OSBPL3: variants seen among roughly 807,000 people sequenced by gnomAD.
OSBPL3 encodes the protein oxysterol binding protein like 3, also known as oxysterol-binding protein-related protein 3.
OSBPL3 carries 65 observed loss-of-function variants against 120.1 expected under a neutral mutation model. The observed-to-expected ratio is 0.54, with a 90% CI of 0.44 to 0.67. The LOEUF is 0.67. Ranked by LOEUF, OSBPL3 falls within the 30% of genes least tolerant of loss-of-function variation. The pLI is 0.00. For missense variants in OSBPL3, 1,004 were observed against 1,082.1 expected, an observed-to-expected ratio of 0.93 and a Z score of 1.01; for synonymous variants, 416 against 402.6, an observed-to-expected ratio of 1.03 and a Z score of -0.40.
intron 1 of OSBPL3, among the ~76,000 whole-genome samples, chr7:24,960,992 G>C (rs537427028): frequency 1.3e-5 from 2 of 152,278 alleles, no homozygotes; most frequent in East Asian, 3.9e-4. Context: ...AAACCAGCAA[G>C]GGATATGAAT....
chr7:24,964,337 G>A lies in OSBPL3; in HGVS notation c.-150+15549C>T, dbSNP rs1253549808. On this transcript the variant is annotated intron_variant, in intron 1 of 22. Coordinates refer to ENST00000313367, the MANE Select transcript of OSBPL3 (RefSeq NM_015550.4). This position sits in a 1 kb window ranked among gnomAD's most constrained non-coding sequence, Gnocchi z 4.2. ...CTGACAAACACTACCTCAACCAGATGAGCAAGGTCAACATAACCAAAACTA... is the reference window on the plus strand; with the variant it reads ...CTGACAAACACTACCTCAACCAGATAAGCAAGGTCAACATAACCAAAACTA... Among the ~76,000 whole-genome samples the A allele has an allele frequency of 1.3e-5, 2 of 152,158 alleles. No homozygotes were observed. The highest frequency in any genetic ancestry group is 2.9e-5 in the Non-Finnish European group (2 of 68,032).
In OSBPL3 at chr7:24,823,737, G is replaced by A. The variant is rs573141253; in HGVS notation, c.1885-3499C>T. 5.9e-4 allele frequency among the ~76,000 whole-genome samples: 90 copies of A among 152,192 alleles called. 1 individual carries two copies. The South Asian group carries it at 0.016, about 26-fold the overall frequency. On this transcript the variant is annotated intron_variant, in intron 16 of 22. Transcript: ENST00000313367. Reference sequence around the variant, plus strand: ...AACATCTGCTGTTAATGTCTTCTTCGAATCTTAGCATCAAAGGTGGTGGCG... The same window carrying A: ...AACATCTGCTGTTAATGTCTTCTTCAAATCTTAGCATCAAAGGTGGTGGCG...
Position 24,821,845 on chromosome 7 carries a change from T to C in OSBPL3, c.1885-1607A>G, listed in dbSNP as rs1313898295. 6.6e-6 allele frequency among the ~76,000 whole-genome samples: 1 copy of C among 152,224 alleles called. No individual in the cohort carries two copies. Among genetic ancestry groups the C allele is most frequent in the Non-Finnish European group, 1.5e-5 (1 of 68,036 alleles). On this transcript the variant is annotated intron_variant, in intron 16 of 22. Transcript: ENST00000313367. The surrounding 1 kb of genome is among the most constrained non-coding windows in gnomAD (Gnocchi z 5.5). ...GCACTGACTTAGAAACCTAATCCCA[T>C]AATGTAACTCTCTGATTTCCTTTGA...
At position 24,940,858 on chromosome 7, in the gene OSBPL3, C is replaced by G. The variant is rs1199017602; in HGVS notation, c.-150+39028G>C. On this transcript the variant is annotated intron_variant, in intron 1 of 22. Transcript: ENST00000313367. The surrounding 1 kb of genome is among the most constrained non-coding windows in gnomAD (Gnocchi z 4.4). The stretch of plus-strand genomic sequence containing the variant: ...TGTGTGTGACGGAGTCTCGCTCTGT[C>G]GCCCAGGCTGGAGTGCACTGGCGCG... Among the ~76,000 whole-genome samples the G allele has an allele frequency of 6.7e-6, 1 of 148,708 alleles. No homozygotes were observed. Among genetic ancestry groups the G allele is most frequent in the Non-Finnish European group, 1.5e-5 (1 of 67,642 alleles).
At chr7:24,887,292 G>C (rs570988844) in intron 2 of OSBPL3, among the ~76,000 whole-genome samples, 2 of 152,280 alleles carry the variant, frequency 1.3e-5, no homozygotes, top group African/African-American at 4.8e-5. Flanking sequence ...GGTCCCTTTA[G>C]TTCCTACAAG....
chr7:24,908,858 C>T (rs1808347362), intron 1 of OSBPL3, among the ~76,000 whole-genome samples: 1 of 152,238 alleles, frequency 6.6e-6, no homozygotes, highest in Non-Finnish European at 1.5e-5. Flanking sequence ...CAGTTCAACT[C>T]TCTTAAACAA....
intron 19 of OSBPL3, among the ~76,000 whole-genome samples, chr7:24,814,024 G>A (rs1346102838): frequency 6.6e-6 from 1 of 152,140 alleles, no homozygotes; most frequent in Non-Finnish European, 1.5e-5. Flanking sequence ...AGTCAAGGAT[G>A]ATGAGGAGGG....
rs1320805522 is a variant in OSBPL3, at chr7:24,972,808, C to T, written c.-150+7078G>A. Among the ~76,000 whole-genome samples, 2 of 152,096 alleles carry T rather than the reference C, an allele frequency of 1.3e-5. No homozygotes were observed. Among genetic ancestry groups the T allele is most frequent in the Admixed American group, 1.3e-4 (2 of 15,272 alleles). On this transcript the variant is annotated intron_variant, in intron 1 of 22. Transcript: ENST00000313367. This position sits in a 1 kb window ranked among gnomAD's most constrained non-coding sequence, Gnocchi z 4.3. ...TCTAAACATTTCAGATGACTGTCCA[C>T]CACAAATTACTTGGGGAGGGAGAAA... is the stretch of plus-strand genomic sequence containing the variant.
intron 1 of OSBPL3, among the ~76,000 whole-genome samples, chr7:24,907,566 T>G (rs1584580338): frequency 6.6e-6 from 1 of 152,362 alleles, no homozygotes; most frequent in East Asian, 1.9e-4. Context: ...ACATACCCTG[T>G]ATTCTGCACT....
intron 1 of OSBPL3, among the ~76,000 whole-genome samples, chr7:24,945,629 G>A (rs542258580): frequency 8.6e-5 from 13 of 151,544 alleles, no homozygotes; most frequent in Non-Finnish European, 1.6e-4. Context: ...ATGATTACTG[G>A]CAGCAAGGGG....
At chr7:24,979,248 T>A (rs1192321401) in intron 1 of OSBPL3, among the ~76,000 whole-genome samples, 1 of 150,108 alleles carries the variant, frequency 6.7e-6, no homozygotes, top group African/African-American at 2.5e-5. Context: ...AGAGTTAGGG[T>A]GAGCCTGAAG....
In OSBPL3 at chr7:24,854,787, C is replaced by T. The variant is rs766722184; in HGVS notation, c.1028-2153G>A. On this transcript the variant is annotated intron_variant, in intron 10 of 22. Transcript: ENST00000313367. This position sits in a 1 kb window ranked among gnomAD's most constrained non-coding sequence, Gnocchi z 4.1. ...AATGATGTGCCTGAACCCTGGTTTC[C>T]ACATTTGTAAATGGGGATAATAATA... 6.6e-6 allele frequency among the ~76,000 whole-genome samples: 1 copy of T among 152,142 alleles called. No homozygotes were observed. The highest frequency in any genetic ancestry group is 2.4e-5 in the African/African-American group (1 of 41,420).
chr7:24,810,369 CA>C (rs1793636029), intron 19 of OSBPL3: 1 of 155,230 alleles, frequency 6.4e-6, no homozygotes, highest in African/African-American at 2.4e-5. Flanking sequence ...ACTAAAAATA[CA>C]AAATTAGCCG....
chr7:24,878,807 T>G (rs1336072105), intron 2 of OSBPL3, among the ~76,000 whole-genome samples: 1 of 152,210 alleles, frequency 6.6e-6, no homozygotes, highest in Non-Finnish European at 1.5e-5. Flanking sequence ...GTCAATCACT[T>G]GGAGATCTTG....
At chr7:24,850,906 A>C (rs1438171333) in intron 11 of OSBPL3, among the ~76,000 whole-genome samples, 1 of 152,244 alleles carries the variant, frequency 6.6e-6, no homozygotes. Context: ...AATCCAAGCC[A>C]AAAAGGAAAG....
At position 24,897,046 on chromosome 7, in the gene OSBPL3, T is replaced by TGAGAGGGAAGGAGGGA. The variant is rs1806237246; in HGVS notation, c.-149-4441_-149-4426dup. Among the ~76,000 whole-genome samples, 4 of 137,674 alleles carry TGAGAGGGAAGGAGGGA rather than the reference T, an allele frequency of 2.9e-5. No individual in the cohort carries two copies. The Admixed American group carries it at 3.2e-4, about 11-fold the overall frequency. 90.3% of individuals were successfully genotyped at this position (137,674 alleles called of 152,430 possible). A position where few individuals can be genotyped will look rare whatever the true frequency, so the allele number is the denominator to read the frequency against. On this transcript the variant is annotated intron_variant, in intron 1 of 22. Coordinates refer to ENST00000313367, the MANE Select transcript of OSBPL3 (RefSeq NM_015550.4). ...GAGATTGCACCACTGCACTCCAGCA[T>TGAGAGGGAAGGAGGGA]GAGAGGGAAGGAGGGAGAGAGGGAG...
chr7:24,922,028 G>A lies in OSBPL3; in HGVS notation c.-149-29407C>T, dbSNP rs557828742. Reference sequence around the variant, plus strand: ...TGTCTCACGTCCAGCCAAGAGGCTGGTACACAGCAGCCACCTCAAAAACGC... The same window carrying A: ...TGTCTCACGTCCAGCCAAGAGGCTGATACACAGCAGCCACCTCAAAAACGC... On this transcript the variant is annotated intron_variant, in intron 1 of 22. Transcript: ENST00000313367. This position sits in a 1 kb window ranked among gnomAD's most constrained non-coding sequence, Gnocchi z 4.3. Among the ~76,000 whole-genome samples the A allele has an allele frequency of 9.8e-5, 15 of 152,308 alleles. No homozygotes were observed. The highest frequency in any genetic ancestry group is 1.8e-4 in the Non-Finnish European group (12 of 68,022).
intron 1 of OSBPL3, among the ~76,000 whole-genome samples, chr7:24,908,382 C>T (rs1808267290): frequency 6.6e-6 from 1 of 152,172 alleles, no homozygotes; most frequent in Admixed American, 6.5e-5. Flanking sequence ...TTTATCAGCA[C>T]ATGTGGTATT....
chr7:24,934,248 T>A (rs551630152), intron 1 of OSBPL3, among the ~76,000 whole-genome samples: 1 of 152,316 alleles, frequency 6.6e-6, no homozygotes, highest in African/African-American at 2.4e-5. Context: ...AAGCCTGCTT[T>A]GCTGGATGTC....
Sources: allele counts gnomAD v4.1 joint callset (sites outside exome capture counted in the v4.1 genomes callset), GRCh38; gene constraint gnomAD v4.1.1; non-coding constraint Gnocchi (gnomAD v3.1); transcripts MANE v1.5; gene names NCBI Gene and HGNC (gene_info 2026-07-23, HGNC 2026-07-21).